The following IL12RB2 variants were observed in gnomAD, a reference collection of about 807,000 sequenced individuals.
IL12RB2 encodes interleukin-12 receptor subunit beta-2.
A neutral mutation model predicts 89.4 loss-of-function variants in IL12RB2; 82 were observed. The ratio of observed to expected loss-of-function variants is 0.92; its 90% CI spans 0.77 to 1.10. The LOEUF is 1.10. IL12RB2 is among the 50% of genes least tolerant of loss of function. IL12RB2 has a pLI of 0.00. For synonymous variants in IL12RB2, 368 were observed against 370.1 expected, an observed-to-expected ratio of 0.99 and a Z score of 0.07; for missense variants, 963 against 1,031.9, an observed-to-expected ratio of 0.93 and a Z score of 0.92.
chr1:67,364,194 T>C (rs1265172917), intron 10 of IL12RB2, among the ~76,000 whole-genome samples: 1 of 152,136 alleles, frequency 6.6e-6, no homozygotes. Flanking sequence ...AGTTCAAGAC[T>C]AGCCTGGCTA....
rs747266023 is a variant in IL12RB2, at chr1:67,338,649, G to T, written c.984G>T (p.Trp328Cys). 23 of 1,543,366 alleles carry T rather than the reference G, an allele frequency of 1.5e-5. No homozygotes were observed. The South Asian group carries it at 2.2e-4, about 15-fold the overall frequency. Residue 328 changes from tryptophan (W) to cysteine (C), a missense_variant, in exon 9 of 17, where the codon TGG (tryptophan) becomes TGT (cysteine). Physicochemically the swap from Trp to Cys is radical, Grantham distance 215. Transcript: ENST00000674203. ...EEEPTGMLDV[W>C]YMKRHIDYSR... ...AGCCTACTGGGATGTTAGATGTCTG[G>T]TACATGAAACGGCACATTGACTACA...
chr1:67,372,388 C>A, intron 11 of IL12RB2, 48 bp from the exon 12 acceptor site: 1 of 982,536 alleles, frequency 1.0e-6, no homozygotes, highest in Non-Finnish European at 1.7e-6. Flanking sequence ...CCTTTAGTGA[C>A]TCACCAGTAA....
At chr1:67,320,483 TG>T in intron 3 of IL12RB2, 39 bp downstream of exon 3, 2 of 1,612,428 alleles carry the variant, frequency 1.2e-6, no homozygotes, top group Non-Finnish European at 1.7e-6. Context: ...GAAGAATTTG[TG>T]GTTTAAATTC....
At chr1:67,349,719 T>C (rs1660618238) in intron 9 of IL12RB2, among the ~76,000 whole-genome samples, 1 of 152,098 alleles carries the variant, frequency 6.6e-6, no homozygotes, top group Non-Finnish European at 1.5e-5. Context: ...GAAATGGAGA[T>C]ATAAAAACTA....
At chr1:67,340,092 T>C (rs1377938420) in intron 9 of IL12RB2, among the ~76,000 whole-genome samples, 1 of 152,218 alleles carries the variant, frequency 6.6e-6, no homozygotes, top group Non-Finnish European at 1.5e-5. Flanking sequence ...GTTTTGATCA[T>C]TGCACACTTC....
intron 10 of IL12RB2, among the ~76,000 whole-genome samples, chr1:67,362,563 A>C (rs1432890991): frequency 3.8e-5 from 5 of 132,512 alleles, no homozygotes; most frequent in Non-Finnish European, 6.4e-5. Context: ...ACAGAGCGAG[A>C]CTCCGTCTCA....
intron 11 of IL12RB2, 134 bp downstream of exon 11, chr1:67,368,159 C>T (rs1662915873): frequency 2.9e-6 from 2 of 699,494 alleles, no homozygotes; most frequent in African/African-American, 1.8e-5. Flanking sequence ...ACCTAGAGTC[C>T]ACCCAGCAGC....
chr1:67,370,647 C>A (rs116351041), intron 11 of IL12RB2, among the ~76,000 whole-genome samples: 1 of 152,022 alleles, frequency 6.6e-6, no homozygotes, highest in Non-Finnish European at 1.5e-5. Context: ...TCGGAAATTG[C>A]GGCCAGACTC....
intron 4 of IL12RB2, 70 bp downstream of exon 4, chr1:67,321,959 G>A (rs533108242): frequency 7.3e-7 from 1 of 1,368,828 alleles, no homozygotes; most frequent in South Asian, 1.2e-5. Context: ...GGTATTTGGT[G>A]TTAAACAGAA....
chr1:67,322,803 G>A (rs966466973), intron 4 of IL12RB2, among the ~76,000 whole-genome samples: 2 of 152,220 alleles, frequency 1.3e-5, no homozygotes, highest in Admixed American at 1.3e-4. Flanking sequence ...TGTCAGAGTT[G>A]ACATCTGCAG....
intron 16 of IL12RB2, among the ~76,000 whole-genome samples, chr1:67,393,023 G>A (rs1048318228): frequency 6.6e-6 from 1 of 152,150 alleles, no homozygotes; most frequent in African/African-American, 2.4e-5. Flanking sequence ...ATGGCCTCGA[G>A]GATGAAAGCC....
intron 10 of IL12RB2, among the ~76,000 whole-genome samples, chr1:67,362,483 G>A (rs1017794001): frequency 2.7e-5 from 4 of 148,256 alleles, no homozygotes; most frequent in South Asian, 4.3e-4. Context: ...GGAGAATGGC[G>A]TGAACCCGGG....
chr1:67,363,208 C>CT (rs1662302399), intron 10 of IL12RB2, among the ~76,000 whole-genome samples: 2 of 122,108 alleles, frequency 1.6e-5, no homozygotes, highest in Non-Finnish European at 1.7e-5. Flanking sequence ...GCCAATTATT[C>CT]TTATTTTTTT....
At chr1:67,327,380 G>A (rs530666368) in intron 5 of IL12RB2, among the ~76,000 whole-genome samples, 4 of 152,208 alleles carry the variant, frequency 2.6e-5, no homozygotes, top group Admixed American at 6.5e-5. Flanking sequence ...ATGAGAGACC[G>A]AATGTCTTGG....
chr1:67,316,659 A>C (rs10158425), intron 2 of IL12RB2, among the ~76,000 whole-genome samples: 14,712 of 151,968 alleles, frequency 0.097, 1,220 homozygotes, highest in African/African-American at 0.22. Context: ...TTTCTCCAAC[A>C]GCCCTGACCT....
chr1:67,329,737 T>C lies in IL12RB2; in HGVS notation c.807+8T>C, dbSNP rs751790078. On this transcript the variant is annotated splice_region_variant and intron_variant, in intron 7 of 16. Transcript: ENST00000674203. ...AGCAGGCTCTGGAATATGGTAATTA[T>C]CTTTAGAGTGAAGGAAAAAACACTG... 1 of 1,596,142 alleles carries C rather than the reference T, an allele frequency of 6.3e-7. No individual in the cohort carries two copies. The highest frequency in any genetic ancestry group is 1.1e-5 in the South Asian group (1 of 90,722).
intron 10 of IL12RB2, among the ~76,000 whole-genome samples, chr1:67,363,718 A>G (rs1159268982): frequency 6.6e-6 from 1 of 152,210 alleles, no homozygotes; most frequent in Non-Finnish European, 1.5e-5. Flanking sequence ...TATTTCTGCT[A>G]CCCATGAAGC....
At chr1:67,358,801 A>C (rs1478363444) in intron 10 of IL12RB2, among the ~76,000 whole-genome samples, 3 of 152,282 alleles carry the variant, frequency 2.0e-5, no homozygotes, top group African/African-American at 7.2e-5. Context: ...AAAGCTAAAA[A>C]ATTGGCACAA....
chr1:67,389,759 G>A (rs1379378587), intron 15 of IL12RB2, among the ~76,000 whole-genome samples: 2 of 152,182 alleles, frequency 1.3e-5, no homozygotes, highest in African/African-American at 2.4e-5. Flanking sequence ...AATATTTGTT[G>A]AATGAATGCA....
Sources: gnomAD v4.1 joint callset for allele counts (sites outside exome capture counted in the v4.1 genomes callset) on GRCh38, gnomAD v4.1.1 for gene constraint, MANE v1.5 for transcripts, NCBI Gene and HGNC (gene_info 2026-07-23, HGNC 2026-07-21) for gene names.